The following OGDH variants were observed in gnomAD, a reference collection of about 807,000 sequenced individuals.
OGDH encodes oxoglutarate dehydrogenase.
A neutral mutation model predicts 116.6 loss-of-function variants in OGDH; 38 were observed. The ratio of observed to expected loss-of-function variants is 0.33; its 90% CI spans 0.25 to 0.43. The LOEUF (loss-of-function observed/expected upper bound fraction) is 0.43. Among genes scored for constraint, OGDH ranks in the 20% least tolerant of loss-of-function variants. The probability of loss-of-function intolerance (pLI) is 1.00; values close to 1 mark genes in which losing one functional copy is unlikely to be tolerated. For synonymous variants in OGDH, 488 were observed against 533.3 expected (o/e 0.92, Z 1.17); for missense variants, 825 against 1,357.2 (o/e 0.61, Z 6.16).
At chr7:44,696,837 C>T in intron 14 of OGDH, 77 bp from the exon 15 acceptor site, 1 of 1,488,138 alleles carries the variant, frequency 6.7e-7, no homozygotes, top group South Asian at 1.3e-5. Context: ...TCCGCTCTTG[C>T]CATGGGCACG....
chr7:44,642,511 A>G (rs1002016823), intron 2 of OGDH, among the ~76,000 whole-genome samples: 3 of 152,226 alleles, frequency 2.0e-5, no homozygotes, highest in Non-Finnish European at 4.4e-5. Flanking sequence ...ATGCTTCTGT[A>G]ATAGGTTTTG....
At chr7:44,647,793 G>T in intron 4 of OGDH, 34 bp downstream of exon 4, 1 of 1,549,078 alleles carries the variant, frequency 6.5e-7, no homozygotes. Context: ...TGCGTTGCTT[G>T]AGCTCCTCTC....
In OGDH at chr7:44,611,272, G is replaced by T. The variant is rs147339836; in HGVS notation, c.-28+4619G>T. Among the ~76,000 whole-genome samples the T allele has an allele frequency of 8.5e-3, 1,276 of 149,866 alleles. 22 individuals carry two copies. Among genetic ancestry groups the T allele is most frequent in the African/African-American group, 0.03 (1,216 of 40,794 alleles). On this transcript the variant is annotated intron_variant, in intron 1 of 22. Transcript: ENST00000222673. The stretch of plus-strand genomic sequence containing the variant: ...TAATTTTTGTATTTTTTGTTTTTTG[G>T]TTTTTTGAGACGGAGTCTCGCTCTG...
At chr7:44,704,902 G>T (rs554862571) in intron 20 of OGDH, among the ~76,000 whole-genome samples, 1 of 151,334 alleles carries the variant, frequency 6.6e-6, no homozygotes, top group African/African-American at 2.4e-5. Flanking sequence ...GTATAGACAG[G>T]GTTCCACCAT....
intron 18 of OGDH, among the ~76,000 whole-genome samples, chr7:44,698,827 C>A (rs1788700408): frequency 1.4e-5 from 2 of 143,462 alleles, no homozygotes; most frequent in African/African-American, 2.6e-5. Context: ...GGTGACAGAG[C>A]AATACCCTGT....
rs1788092363 is a variant in OGDH at position 44,685,541 on chromosome 7, C to G, written c.1335+3693C>G. On this transcript the variant is annotated intron_variant, in intron 10 of 22. Coordinates refer to ENST00000222673, the MANE Select transcript of OGDH (RefSeq NM_002541.4). ...TCATCAGTGGATACTTGGGTTACTTCCACATTTTCCTGTTATGAATAATGC... is the reference window on the plus strand; with the variant it reads ...TCATCAGTGGATACTTGGGTTACTTGCACATTTTCCTGTTATGAATAATGC... 2.0e-5 allele frequency among the ~76,000 whole-genome samples: 3 copies of G among 152,126 alleles called. No homozygotes were observed. The South Asian group carries it at 6.2e-4, about 32-fold the overall frequency.
chr7:44,667,577 C>G (rs1180943031), intron 5 of OGDH, among the ~76,000 whole-genome samples: 1 of 152,118 alleles, frequency 6.6e-6, no homozygotes, highest in Admixed American at 6.5e-5. Context: ...CCAGGAAATT[C>G]TTTCATTCAC....
At chr7:44,650,817 C>A (rs962657666) in intron 4 of OGDH, among the ~76,000 whole-genome samples, 3 of 152,184 alleles carry the variant, frequency 2.0e-5, no homozygotes, top group Non-Finnish European at 4.4e-5. Context: ...AACCTGGTGA[C>A]CTGACCAGTG....
chr7:44,662,879 A>G (rs946434322), intron 4 of OGDH, among the ~76,000 whole-genome samples: 1 of 149,812 alleles, frequency 6.7e-6, no homozygotes, highest in Non-Finnish European at 1.5e-5. Context: ...TTTCTTTGAT[A>G]TTGTTTTTCA....
intron 1 of OGDH, among the ~76,000 whole-genome samples, chr7:44,618,805 C>G (rs141317743): frequency 6.6e-6 from 1 of 152,298 alleles, no homozygotes; most frequent in East Asian, 1.9e-4. Context: ...ATTCTCTGAC[C>G]TACCTTGTCT....
Position 44,645,494 on chromosome 7 carries a change from G to A in OGDH, c.390G>A (p.Val130=). 6.2e-7 allele frequency: 1 copy of A among 1,614,176 alleles called. No individual in the cohort carries two copies. The highest frequency in any genetic ancestry group is 1.7e-5 in the Admixed American group (1 of 60,030). ...AGCTCGTGGAGGACCACCTGGCAGTGCAGTCGCTCATCAGGGCATATCAGG... is the reference window on the plus strand; with the variant it reads ...AGCTCGTGGAGGACCACCTGGCAGTACAGTCGCTCATCAGGGCATATCAGG... ...VDKLVEDHLA[V]QSLIRAYQIR... is the part of the protein sequence containing the mutation. Residue 130 remains valine, a synonymous_variant, in exon 3 of 23, where the codon GTG becomes GTA. Coordinates refer to ENST00000222673, the MANE Select transcript of OGDH (RefSeq NM_002541.4).
rs1000425791 is a variant in OGDH, at chr7:44,624,937, T to C, written c.222+372T>C. On this transcript the variant is annotated intron_variant, in intron 2 of 22. Transcript: ENST00000222673. Reference sequence around the variant, plus strand: ...TTCTAACTGTCTGGAGAGGATACTTTCATTTGTAACATGCCGTAGTCACCT... The same window carrying C: ...TTCTAACTGTCTGGAGAGGATACTTCCATTTGTAACATGCCGTAGTCACCT... Among the ~76,000 whole-genome samples, 9 of 152,206 alleles carry C rather than the reference T, an allele frequency of 5.9e-5. No homozygotes were observed. The East Asian group carries it at 1.7e-3, about 29-fold the overall frequency.
intron 2 of OGDH, among the ~76,000 whole-genome samples, chr7:44,625,507 T>G (rs761817814): frequency 1.9e-4 from 29 of 152,318 alleles, no homozygotes; most frequent in Non-Finnish European, 3.8e-4. Flanking sequence ...TCCTTGATTT[T>G]CAGGGAAAGC....
At chr7:44,701,219 G>A (rs1788815930) in intron 19 of OGDH, among the ~76,000 whole-genome samples, 1 of 152,194 alleles carries the variant, frequency 6.6e-6, no homozygotes, top group Non-Finnish European at 1.5e-5. Flanking sequence ...GGCTTTGGGT[G>A]CATTTGCTCT....
intron 19 of OGDH, among the ~76,000 whole-genome samples, chr7:44,700,898 C>T (rs780861463): frequency 6.6e-5 from 10 of 152,136 alleles, no homozygotes; most frequent in Non-Finnish European, 1.5e-4. Flanking sequence ...CACTTGCAGT[C>T]CCAGCTACTT....
At chr7:44,692,360 A>C (rs1306196437) in intron 10 of OGDH, among the ~76,000 whole-genome samples, 2 of 152,238 alleles carry the variant, frequency 1.3e-5, no homozygotes, top group African/African-American at 2.4e-5. Flanking sequence ...ACATGTTTCA[A>C]CCTGGGTGTA....
At chr7:44,673,696 C>G (rs1009178591) in intron 5 of OGDH, 91 bp from the exon 6 acceptor site, 2 of 1,277,282 alleles carry the variant, frequency 1.6e-6, no homozygotes, top group African/African-American at 2.9e-5. Context: ...CCTGCTTATC[C>G]CCTCCTTCTG....
intron 9 of OGDH, 34 bp downstream of exon 9, chr7:44,676,183 G>A (rs368593569): frequency 4.3e-6 from 7 of 1,613,854 alleles, no homozygotes; most frequent in East Asian, 2.2e-5. Context: ...AAGGCAGATC[G>A]TCAAGGCCCC....
At chr7:44,638,039 T>C (rs1785752549) in intron 2 of OGDH, among the ~76,000 whole-genome samples, 1 of 152,168 alleles carries the variant, frequency 6.6e-6, no homozygotes, top group African/African-American at 2.4e-5. Context: ...TTGAATGTCA[T>C]TTACAACCTT....
Sources: allele counts gnomAD v4.1 joint callset (sites outside exome capture counted in the v4.1 genomes callset), GRCh38; gene constraint gnomAD v4.1.1; transcripts MANE v1.5; gene names NCBI Gene and HGNC (gene_info 2026-07-23, HGNC 2026-07-21).